Variants in FNBP1 observed in about 807,000 individuals in gnomAD.
FNBP1 encodes formin-binding protein 1.
Under a neutral mutation model 90.6 loss-of-function variants are expected in FNBP1, and 26 were observed. The ratio of observed to expected loss-of-function variants is 0.29; its 90% confidence interval spans 0.21 to 0.40. The LOEUF (loss-of-function observed/expected upper bound fraction) is 0.40, where lower values mean the gene tolerates loss of function less well. FNBP1 is among the 10% of genes least tolerant of loss of function. The pLI is 1.00. For synonymous variants in FNBP1, 260 were observed against 265.2 expected (o/e 0.98, Z 0.19); for missense variants, 635 against 768.0 (o/e 0.83, Z 2.05).
intron 12 of FNBP1, among the ~76,000 whole-genome samples, chr9:129,907,949 G>A (rs545759828): frequency 5.7e-4 from 86 of 151,584 alleles, no homozygotes; most frequent in Non-Finnish European, 1.1e-3. Flanking sequence ...GGATGGTCTC[G>A]ATCTCCTGAC....
chr9:129,980,914 G>T (rs1294480567), intron 2 of FNBP1, among the ~76,000 whole-genome samples: 1 of 151,816 alleles, frequency 6.6e-6, no homozygotes, highest in Non-Finnish European at 1.5e-5. Flanking sequence ...AGCTGGGCAT[G>T]GTGGCAGGCG....
chr9:130,030,452 A>C (rs947317193), intron 1 of FNBP1, among the ~76,000 whole-genome samples: 39 of 135,718 alleles, frequency 2.9e-4, no homozygotes, highest in Admixed American at 9.7e-4. Context: ...AAAAAAAAAA[A>C]TCTAAACATA....
intron 6 of FNBP1, among the ~76,000 whole-genome samples, chr9:129,949,624 G>C (rs1346458591): frequency 6.6e-6 from 1 of 152,032 alleles, no homozygotes; most frequent in Non-Finnish European, 1.5e-5. Context: ...ACTTAGGGAA[G>C]CAGAGGTGTG....
At chr9:129,907,011 C>G (rs2038198726) in intron 12 of FNBP1, among the ~76,000 whole-genome samples, 1 of 151,968 alleles carries the variant, frequency 6.6e-6, no homozygotes, top group Admixed American at 6.6e-5. Context: ...ATCTCCTGAC[C>G]TCGTGATCCG....
upstream of FNBP1, chr9:130,044,769 C>T (rs1044826429): frequency 2.0e-5 from 3 of 152,000 alleles, no homozygotes; most frequent in African/African-American, 7.3e-5. Flanking sequence ...AACCCCGTCT[C>T]TACTAAAAAC....
Position 129,988,955 on chromosome 9 carries a change from CA to C in FNBP1, c.140+5887del, listed in dbSNP as rs1368938145. 1.1e-4 allele frequency among the ~76,000 whole-genome samples: 17 copies of C among 152,284 alleles called. 1 individual carries two copies. The highest frequency in any genetic ancestry group is 4.1e-4 in the African/African-American group (17 of 41,562). On this transcript the variant is annotated intron_variant, in intron 2 of 16. Transcript: ENST00000446176. Reference sequence around the variant, plus strand: ...TGATAGTTATCTCTCCCAAAGGCCACAATGATTTTTCAACATCATATTACTA... The same window carrying C: ...TGATAGTTATCTCTCCCAAAGGCCACATGATTTTTCAACATCATATTACTA...
chr9:129,927,175 G>A lies in FNBP1; in HGVS notation c.789+20C>T, dbSNP rs2042044339. ...GGATCTGCAAATAGTTATCAATGAA[G>A]TCCAAATGGCAATACTTACATTTTT... On this transcript the variant is annotated intron_variant, in intron 8 of 16. Coordinates refer to ENST00000446176, the MANE Select transcript of FNBP1 (RefSeq NM_015033.3). 1 of 1,611,918 alleles carries A rather than the reference G, an allele frequency of 6.2e-7. No homozygotes were observed. The highest frequency in any genetic ancestry group is 1.3e-5 in the African/African-American group (1 of 75,020).
chr9:129,990,611 T>G (rs1340306080), intron 2 of FNBP1, among the ~76,000 whole-genome samples: 1 of 152,152 alleles, frequency 6.6e-6, no homozygotes, highest in East Asian at 1.9e-4. Context: ...ACCGTAAGGT[T>G]TTTGGATTTA....
chr9:129,931,160 G>A (rs1479897938), intron 6 of FNBP1, among the ~76,000 whole-genome samples: 2 of 152,048 alleles, frequency 1.3e-5, no homozygotes, highest in Non-Finnish European at 2.9e-5. Context: ...GCTGGGCATG[G>A]TGGTATGTGC....
chr9:130,013,964 T>TTA (rs2056933178), intron 1 of FNBP1: 1 of 455,416 alleles, frequency 2.2e-6, no homozygotes, highest in Non-Finnish European at 4.4e-6. Flanking sequence ...TTTCTACTGT[T>TTA]TATAAATTAC....
chr9:129,892,266 G>A (rs1031989090), intron 16 of FNBP1, among the ~76,000 whole-genome samples: 3 of 151,798 alleles, frequency 2.0e-5, no homozygotes, highest in East Asian at 1.9e-4. Context: ...GAGAGCAATC[G>A]AAGAACCAAA....
chr9:129,927,367 T>G (rs1181410673), intron 7 of FNBP1, 26 bp from the exon 8 acceptor site: 1 of 1,602,788 alleles, frequency 6.2e-7, no homozygotes, highest in Non-Finnish European at 8.5e-7. Flanking sequence ...TTGTATAAAG[T>G]AAGTTTGGTC....
intron 6 of FNBP1, among the ~76,000 whole-genome samples, chr9:129,935,839 G>A (rs1474186382): frequency 5.3e-5 from 8 of 152,044 alleles, no homozygotes; most frequent in African/African-American, 9.7e-5. Flanking sequence ...TTAACTAGAT[G>A]AGCAAATATA....
chr9:130,003,586 A>G (rs1183664110), intron 1 of FNBP1, among the ~76,000 whole-genome samples: 35 of 146,350 alleles, frequency 2.4e-4, no homozygotes, highest in Middle Eastern at 3.9e-3. Flanking sequence ...CAGCCTGGGC[A>G]ACAGAGCGAG....
chr9:130,018,375 A>G (rs2057468671), intron 1 of FNBP1, among the ~76,000 whole-genome samples: 1 of 152,124 alleles, frequency 6.6e-6, no homozygotes, highest in African/African-American at 2.4e-5. Flanking sequence ...ACCGATGAGG[A>G]AACTAACATA....
intron 16 of FNBP1, among the ~76,000 whole-genome samples, chr9:129,893,914 CAA>C (rs34164874): frequency 0.54 from 62,782 of 115,362 alleles, 15,335 homozygotes; most frequent in East Asian, 0.75. Flanking sequence ...GACTCCATCT[CAA>C]AAAAAAAAAA....
chr9:129,933,235 A>G (rs1394692848), intron 6 of FNBP1, among the ~76,000 whole-genome samples: 3 of 152,182 alleles, frequency 2.0e-5, no homozygotes, highest in Non-Finnish European at 4.4e-5. Context: ...ACGCACACAC[A>G]TACACACACA....
At chr9:130,045,595 A>C (rs1489285296), upstream of FNBP1, among the ~76,000 whole-genome samples, 2 of 152,206 alleles carry the variant, frequency 1.3e-5, no homozygotes, top group African/African-American at 4.8e-5. Flanking sequence ...GGAGATTGTT[A>C]GTTATAGGAA....
At chr9:130,019,011 G>A (rs1589296046) in intron 1 of FNBP1, among the ~76,000 whole-genome samples, 1 of 152,114 alleles carries the variant, frequency 6.6e-6, no homozygotes, top group Non-Finnish European at 1.5e-5. Context: ...GATCGCCTGA[G>A]CTCATAAGTT....
Sources: gnomAD v4.1 joint callset for allele counts (sites outside exome capture counted in the v4.1 genomes callset) on GRCh38, gnomAD v4.1.1 for gene constraint, MANE v1.5 for transcripts, NCBI Gene and HGNC (gene_info 2026-07-23, HGNC 2026-07-21) for gene names.